The following RDH13 variants were observed in gnomAD, a reference collection of about 807,000 sequenced individuals.
The protein encoded by RDH13 is retinol dehydrogenase 13 (all-trans and 9-cis).
A neutral mutation model predicts 28.3 loss-of-function variants in RDH13; 35 were observed. That is an observed-to-expected ratio of 1.24 (90% confidence interval 0.95 to 1.64). The LOEUF is 1.64. Among genes scored for constraint, RDH13 ranks in the 40% most tolerant of loss-of-function variants. RDH13 has a pLI of 0.00. For missense variants in RDH13, 514 were observed against 446.3 expected (o/e 1.15, Z -1.37); for synonymous variants, 229 against 198.5 (o/e 1.15, Z -1.29).
At chr19:55,065,239 G>C (rs2075939679), upstream of RDH13, among the ~76,000 whole-genome samples, 1 of 151,244 alleles carries the variant, frequency 6.6e-6, no homozygotes, top group Non-Finnish European at 1.5e-5. Context: ...ACAAAAATTA[G>C]CAGGTTTGGT....
chr19:55,060,334 C>T (rs193001815), intron 1 of RDH13, among the ~76,000 whole-genome samples: 3 of 151,390 alleles, frequency 2.0e-5, no homozygotes, highest in East Asian at 3.9e-4. Context: ...TTCTTTACTC[C>T]GCTGAGATGT....
chr19:55,040,154 T>C (rs1355762705), downstream of RDH13, among the ~76,000 whole-genome samples: 2 of 151,808 alleles, frequency 1.3e-5, no homozygotes, highest in Non-Finnish European at 2.9e-5. Flanking sequence ...TGCCATTGAC[T>C]GTTTTTTGTT....
upstream of RDH13, among the ~76,000 whole-genome samples, chr19:55,064,687 A>G (rs1368585153): frequency 2.7e-5 from 4 of 150,282 alleles, no homozygotes; most frequent in Non-Finnish European, 5.9e-5. Context: ...ATCTCAGCTC[A>G]CTGCAACCTC....
At chr19:55,047,519 AG>A (rs2075279416) in intron 5 of RDH13, 31 bp from the exon 6 acceptor site, 1 of 1,583,520 alleles carries the variant, frequency 6.3e-7, no homozygotes, top group African/African-American at 1.3e-5. Context: ...AGACTGAGGG[AG>A]GGGTCCAGCC....
intron 1 of RDH13, 54 bp downstream of exon 1, chr19:55,062,913 GC>G: frequency 7.3e-7 from 1 of 1,364,122 alleles, no homozygotes; most frequent in Non-Finnish European, 9.6e-7. Context: ...CGCCTTCCCG[GC>G]CCCTGCGCTG....
chr19:55,063,407 A>G, upstream of RDH13: 1 of 262,130 alleles, frequency 3.8e-6, no homozygotes, highest in Non-Finnish European at 7.2e-6. Flanking sequence ...ACCACTGTCA[A>G]TTCCAGACTG....
At position 55,048,392 on chromosome 19, in the gene RDH13, C is replaced by T. The variant is rs770165895; in HGVS notation, c.595G>A (p.Ala199Thr). The T allele has an allele frequency of 2.2e-5, 36 of 1,614,138 alleles. No homozygotes were observed. The highest frequency in any genetic ancestry group is 3.1e-5 in the Non-Finnish European group (36 of 1,180,040). Reference sequence around the variant, plus strand: ...ATGGCGAGCTTGCTCTGGCAGTAGGCGGCTTTGGTGTTATACTTCCTCGTC... The same window carrying T: ...ATGGCGAGCTTGCTCTGGCAGTAGGTGGCTTTGGTGTTATACTTCCTCGTC... ...WQTRKYNTKA[A>T]YCQSKLAIVL... is the part of the protein sequence containing the mutation. Residue 199 changes from alanine to threonine, a missense_variant, in exon 5 of 7, where the codon GCC becomes ACC. By Grantham distance (58) the Ala-to-Thr change is moderately conservative (BLOSUM62 0). Transcript: ENST00000415061.
chr19:55,047,935 G>T, intron 5 of RDH13: 1 of 717,714 alleles, frequency 1.4e-6, no homozygotes, highest in Non-Finnish European at 2.1e-6. Flanking sequence ...GAGAGCATCT[G>T]GGCCTTTACC....
chr19:55,049,725 G>T (rs1205449929), intron 3 of RDH13, among the ~76,000 whole-genome samples: 3 of 151,446 alleles, frequency 2.0e-5, no homozygotes, highest in African/African-American at 7.3e-5. Flanking sequence ...GGAGGCAGAG[G>T]GTGCAGTGAG....
upstream of RDH13, among the ~76,000 whole-genome samples, chr19:55,064,783 T>C (rs1207525942): frequency 1.1e-4 from 16 of 150,024 alleles, no homozygotes; most frequent in African/African-American, 3.7e-4. Context: ...CGGCTAATTT[T>C]TGTATTTTTA....
intron 3 of RDH13, among the ~76,000 whole-genome samples, chr19:55,055,069 C>A (rs531562632): frequency 1.3e-5 from 2 of 152,166 alleles, no homozygotes; most frequent in South Asian, 4.1e-4. Context: ...TATATAAATA[C>A]ACACACAAAC....
At chr19:55,053,125 AGT>A (rs990050119) in intron 3 of RDH13, among the ~76,000 whole-genome samples, 38 of 149,016 alleles carry the variant, frequency 2.6e-4, no homozygotes, top group African/African-American at 8.6e-4. Context: ...GCTTTGTCAG[AGT>A]GTCATCTCAC....
chr19:55,055,794 A>G (rs968250153), intron 3 of RDH13, among the ~76,000 whole-genome samples: 8 of 152,118 alleles, frequency 5.3e-5, no homozygotes, highest in Admixed American at 6.5e-5. Context: ...TTGAGACTGC[A>G]GTGAGCCATG....
At chr19:55,055,493 C>T (rs944876497) in intron 3 of RDH13, among the ~76,000 whole-genome samples, 8 of 151,896 alleles carry the variant, frequency 5.3e-5, no homozygotes, top group African/African-American at 1.7e-4. Flanking sequence ...TATAAATGTC[C>T]CATAACAAAC....
chr19:55,067,819 C>T (rs1276425268), upstream of RDH13: 1 of 152,164 alleles, frequency 6.6e-6, no homozygotes, highest in African/African-American at 2.4e-5. Context: ...TCCTCCCTTC[C>T]AGCTCATGGC....
At chr19:55,039,447 CGGAGGCATGAGAATCGCTTGAACCTG>C (rs1442536590), downstream of RDH13, 4 of 152,150 alleles carry the variant, frequency 2.6e-5, no homozygotes, top group Non-Finnish European at 4.4e-5. Flanking sequence ...ACTTGGGAGA[CGGAGGCATGAGAATCGCTTGAACCTG>C]GGAGGCAGAG....
intron 3 of RDH13, chr19:55,051,007 TAAAA>T (rs11318443): frequency 1.7e-4 from 21 of 126,282 alleles, no homozygotes; most frequent in African/African-American, 1.8e-4. Flanking sequence ...TTACTCCTTG[TAAAA>T]AAAAAAAAAA....
upstream of RDH13, among the ~76,000 whole-genome samples, chr19:55,068,122 T>TC (rs576410293): frequency 4.5e-3 from 676 of 149,634 alleles, 13 homozygotes; most frequent in African/African-American, 0.016. Context: ...TTTCTCTCTT[T>TC]CTCTTTCTTC....
rs1018448247 is a variant in RDH13, at chr19:55,055,934, C to T, written c.340+719G>A. Among the ~76,000 whole-genome samples, 6 of 152,128 alleles carry T rather than the reference C, an allele frequency of 3.9e-5. No individual in the cohort carries two copies. In the East Asian group the frequency reaches 7.7e-4, roughly 20 times the overall value. On this transcript the variant is annotated intron_variant, in intron 3 of 6. Coordinates refer to ENST00000415061, the MANE Select transcript of RDH13 (RefSeq NM_001145971.2). ...TTGGGAGGCCAAGGGAAGCAGATCA[C>T]CTGAGGTCAGGAGTTCGAGACCAGC...
Sources: gnomAD v4.1 joint callset for allele counts (sites outside exome capture counted in the v4.1 genomes callset) on GRCh38, gnomAD v4.1.1 for gene constraint, MANE v1.5 for transcripts, NCBI Gene and HGNC (gene_info 2026-07-23, HGNC 2026-07-21) for gene names.